Variants in TUFT1 observed in about 807,000 individuals in gnomAD.
TUFT1 encodes the protein tuftelin 1.
Under a neutral mutation model 57.8 loss-of-function variants are expected in TUFT1, and 43 were observed. The ratio of observed to expected loss-of-function variants is 0.74; its 90% CI spans 0.58 to 0.96. The LOEUF is 0.96. Ranked by LOEUF, TUFT1 falls within the 40% of genes least tolerant of loss-of-function variation. The probability of loss-of-function intolerance (pLI) is 0.00; values close to 1 mark genes in which losing one functional copy is unlikely to be tolerated. For synonymous variants in TUFT1, 166 were observed against 176.7 expected (o/e 0.94, Z 0.48); for missense variants, 459 against 489.0 (o/e 0.94, Z 0.58).
chr1:151,562,616 G>C lies in TUFT1; in HGVS notation c.167G>C (p.Ser56Thr). 2 of 1,612,700 alleles carry C rather than the reference G, an allele frequency of 1.2e-6. No individual in the cohort carries two copies. The highest frequency in any genetic ancestry group is 1.7e-6 in the Non-Finnish European group (2 of 1,179,984). The change falls in exon 3 of 13, where the codon AGC becomes ACC. Residue 56 changes from serine to threonine, a missense_variant. By Grantham distance (58) the Ser-to-Thr change is moderately conservative. Transcript: ENST00000368849. ...AGRKTYAMVS[S>T]HSAGHSLASE... ...AGGAAGACCTATGCCATGGTGTCCA[G>C]CCACTCAGCTGGTCATTCTCTGGCT...
intron 1 of TUFT1, among the ~76,000 whole-genome samples, chr1:151,543,868 A>C (rs774476542): frequency 1.3e-5 from 2 of 152,198 alleles, no homozygotes; most frequent in Non-Finnish European, 2.9e-5. Flanking sequence ...GTGGAGGGGA[A>C]TGGAAGCTGC....
intron 1 of TUFT1, among the ~76,000 whole-genome samples, chr1:151,560,649 A>C (rs1018122231): frequency 1.3e-5 from 2 of 152,184 alleles, no homozygotes; most frequent in African/African-American, 4.8e-5. Flanking sequence ...GATCACTTTC[A>C]TTCTTGGATA....
At chr1:151,580,885 C>T (rs951114154) in intron 11 of TUFT1, 57 bp from the exon 12 acceptor site, 17 of 1,494,908 alleles carry the variant, frequency 1.1e-5, no homozygotes, top group African/African-American at 1.1e-4. Context: ...ACTAGCTGAA[C>T]GTGGCACCCG....
chr1:151,569,537 C>T (rs1340269368), intron 6 of TUFT1, 120 bp from the exon 7 acceptor site: 9 of 742,762 alleles, frequency 1.2e-5, no homozygotes, highest in Non-Finnish European at 1.9e-5. Flanking sequence ...GATGACAGTT[C>T]TTTTTTGAGG....
rs1665933137 is a variant in TUFT1, at chr1:151,562,620, C to G, written c.171C>G (p.His57Gln). 1 of 1,612,980 alleles carries G rather than the reference C, an allele frequency of 6.2e-7. No homozygotes were observed. Among genetic ancestry groups the G allele is most frequent in the Non-Finnish European group, 8.5e-7 (1 of 1,180,014 alleles). The part of the protein sequence containing the change: ...GRKTYAMVSS[H>Q]SAGHSLASEL... ...AGACCTATGCCATGGTGTCCAGCCACTCAGCTGGTCATTCTCTGGCTTCAG... is the reference window on the plus strand; with the variant it reads ...AGACCTATGCCATGGTGTCCAGCCAGTCAGCTGGTCATTCTCTGGCTTCAG... The change falls in exon 3 of 13, where the codon CAC becomes CAG. Residue 57 changes from histidine to glutamine, a missense_variant. Transcript: ENST00000368849.
chr1:151,540,406 C>T lies in TUFT1; in HGVS notation c.40C>T (p.His14Tyr), dbSNP rs1665120601. The change falls in exon 1 of 13, where the codon CAC becomes TAC. Residue 14 changes from histidine to tyrosine, a missense_variant. Transcript: ENST00000368849. ...GAACTGGTGTACCCTGGTGGACGTGCACCCAGAGGACCAGGCGGCGGTAAG... is the reference window on the plus strand; with the variant it reads ...GAACTGGTGTACCCTGGTGGACGTGTACCCAGAGGACCAGGCGGCGGTAAG... The part of the protein sequence containing the change: ...TRNWCTLVDV[H>Y]PEDQAAGSVD... The T allele has an allele frequency of 6.2e-7, 1 of 1,614,208 alleles. No homozygotes were observed. The highest frequency in any genetic ancestry group is 8.5e-7 in the Non-Finnish European group (1 of 1,180,000).
At chr1:151,549,135 A>T (rs1296614201) in intron 1 of TUFT1, among the ~76,000 whole-genome samples, 1 of 152,104 alleles carries the variant, frequency 6.6e-6, no homozygotes, top group Non-Finnish European at 1.5e-5. Context: ...TTACCTTGTG[A>T]TTAGTACTGC....
chr1:151,569,814 T>A, intron 7 of TUFT1, 44 bp downstream of exon 7: 2 of 1,466,368 alleles, frequency 1.4e-6, no homozygotes, highest in Non-Finnish European at 1.9e-6. Context: ...AGGGATGGGC[T>A]ACTGAACACA....
At chr1:151,552,707 CAAAAAAA>C (rs869244649) in intron 1 of TUFT1, among the ~76,000 whole-genome samples, 1 of 53,480 alleles carries the variant, frequency 1.9e-5, no homozygotes, top group Admixed American at 3.3e-4. Context: ...GACTCTGTCT[CAAAAAAA>C]AAAAAAAAAA....
chr1:151,542,019 G>T (rs1271830925), intron 1 of TUFT1, among the ~76,000 whole-genome samples: 1 of 152,074 alleles, frequency 6.6e-6, no homozygotes, highest in Non-Finnish European at 1.5e-5. Flanking sequence ...TCTCTTCCAT[G>T]CTCTTGCTCT....
At chr1:151,560,763 C>T (rs1033705520) in intron 1 of TUFT1, among the ~76,000 whole-genome samples, 2 of 152,310 alleles carry the variant, frequency 1.3e-5, no homozygotes, top group African/African-American at 2.4e-5. Flanking sequence ...CTTGGTCCAA[C>T]TTCCTTATTT....
At chr1:151,547,182 CTGA>C (rs1022135270) in intron 1 of TUFT1, among the ~76,000 whole-genome samples, 32 of 152,328 alleles carry the variant, frequency 2.1e-4, no homozygotes, top group African/African-American at 7.5e-4. Flanking sequence ...CTGCATTTTT[CTGA>C]TGTCACCAAG....
chr1:151,540,556 G>C (rs1571677347), intron 1 of TUFT1, 130 bp downstream of exon 1: 2 of 1,021,648 alleles, frequency 2.0e-6, no homozygotes, highest in East Asian at 2.5e-5. Context: ...CCTGCGCGGC[G>C]CTTCTCTCTT....
At chr1:151,545,755 C>T in intron 1 of TUFT1, 2 of 503,676 alleles carry the variant, frequency 4.0e-6, no homozygotes, top group Non-Finnish European at 8.3e-6. Flanking sequence ...TGGAGAGTCC[C>T]AGGGGTGAGA....
intron 7 of TUFT1, among the ~76,000 whole-genome samples, chr1:151,570,181 A>C (rs1237145554): frequency 6.6e-6 from 1 of 152,190 alleles, no homozygotes; most frequent in Non-Finnish European, 1.5e-5. Context: ...GGTGCTTCAT[A>C]AACGTGGACT....
rs1279333361 is a variant in TUFT1, at chr1:151,565,867, ACTTTCAAGGCC to A, written c.415-284_415-274del. 3.3e-5 allele frequency: 9 copies of A among 276,064 alleles called. No homozygotes were observed. The East Asian group carries it at 5.2e-4, about 16-fold the overall frequency. 17.1% of individuals were successfully genotyped at this position (276,064 alleles called of 1,614,324 possible). A position where few individuals can be genotyped will look rare whatever the true frequency, so the allele number is the denominator to read the frequency against. ...AGGTTTTTTTCATCCTCCCTACAAG[ACTTTCAAGGCC>A]CTTTCAAGGCCGCATAACATCTCTC... On this transcript the variant is annotated intron_variant, in intron 5 of 12. Coordinates refer to ENST00000368849, the MANE Select transcript of TUFT1 (RefSeq NM_020127.3).
chr1:151,561,889 G>A, intron 1 of TUFT1: 1 of 1,522,020 alleles, frequency 6.6e-7, no homozygotes, highest in Non-Finnish European at 8.8e-7. Context: ...AAACTGTTGG[G>A]TGGTCCCAGA....
At chr1:151,567,326 G>A (rs574252113) in intron 6 of TUFT1, among the ~76,000 whole-genome samples, 29 of 152,200 alleles carry the variant, frequency 1.9e-4, no homozygotes, top group Non-Finnish European at 4.1e-4. Flanking sequence ...TAGTCCTCCT[G>A]CCTCAGCCTG....
chr1:151,547,678 C>T (rs777669864), intron 1 of TUFT1, among the ~76,000 whole-genome samples: 86 of 152,188 alleles, frequency 5.7e-4, no homozygotes, highest in Non-Finnish European at 8.4e-4. Flanking sequence ...GGCAGAGCCA[C>T]TCCCTTTGAT....
Sources: allele counts gnomAD v4.1 joint callset (sites outside exome capture counted in the v4.1 genomes callset), GRCh38; gene constraint gnomAD v4.1.1; transcripts MANE v1.5; gene names NCBI Gene and HGNC (gene_info 2026-07-23, HGNC 2026-07-21).